The following ZBTB20 variants were observed in gnomAD, a reference collection of about 807,000 sequenced individuals.
ZBTB20 encodes the protein zinc finger and BTB domain containing 20, also known as zinc finger and BTB domain-containing protein 20.
In ZBTB20, 9 loss-of-function variants were observed where a neutral mutation model predicts 56.9. That is an observed-to-expected ratio of 0.16 (90% confidence interval 0.10 to 0.28). The LOEUF (loss-of-function observed/expected upper bound fraction) is 0.28. Ranked by LOEUF, ZBTB20 falls within the 10% of genes least tolerant of loss-of-function variation. ZBTB20 has a pLI of 1.00. For missense variants in ZBTB20, 655 were observed against 1,003.0 expected, an observed-to-expected ratio of 0.65 and a Z score of 4.69; for synonymous variants, 417 against 420.7, an observed-to-expected ratio of 0.99 and a Z score of 0.11.
chr3:114,897,233 G>T (rs2074920455), intron 4 of ZBTB20, among the ~76,000 whole-genome samples: 1 of 152,062 alleles, frequency 6.6e-6, no homozygotes, highest in South Asian at 2.1e-4. Context: ...AAGTCAAAAA[G>T]AACTCTATTG....
chr3:115,130,353 T>C (rs1025758978), intron 1 of ZBTB20, among the ~76,000 whole-genome samples: 9 of 152,244 alleles, frequency 5.9e-5, no homozygotes, highest in African/African-American at 2.2e-4. Context: ...GTAATTGGCA[T>C]AATTAACTTA....
chr3:115,072,473 AG>A (rs1374635858), intron 1 of ZBTB20, among the ~76,000 whole-genome samples: 1 of 152,168 alleles, frequency 6.6e-6, no homozygotes, highest in Non-Finnish European at 1.5e-5. Flanking sequence ...GTTTGCCCAC[AG>A]GAAGTGCTCC....
intron 2 of ZBTB20, among the ~76,000 whole-genome samples, chr3:115,033,509 C>T (rs1183881042): frequency 6.6e-6 from 1 of 151,524 alleles, no homozygotes; most frequent in Non-Finnish European, 1.5e-5. Context: ...CCAGCAATCC[C>T]ACTGCTGGGT....
At chr3:114,366,949 T>C (rs550722848) in intron 10 of ZBTB20, 1 of 152,374 alleles carries the variant, frequency 6.6e-6, no homozygotes, top group Admixed American at 6.5e-5. Flanking sequence ...AGTTTACCTC[T>C]GTTTTGAATT....
At chr3:114,693,110 G>A (rs2062797053) in intron 6 of ZBTB20, among the ~76,000 whole-genome samples, 1 of 152,096 alleles carries the variant, frequency 6.6e-6, no homozygotes, top group South Asian at 2.1e-4. Context: ...AACATACAAT[G>A]TTCCACACAG....
Position 114,991,490 on chromosome 3 carries a change from C to A in ZBTB20, c.-506-17074G>T, listed in dbSNP as rs549406278. Among the ~76,000 whole-genome samples the A allele has an allele frequency of 1.2e-4, 18 of 152,156 alleles. No homozygotes were observed. In the South Asian group the frequency reaches 2.9e-3, roughly 25 times the overall value. On this transcript the variant is annotated intron_variant, in intron 2 of 11. Transcript: ENST00000675478. ...GAGAAAGTTTGTTATAATTTCTGTT[C>A]TTTTACATTTGCTGAGGAGTGCTTT...
At chr3:114,460,389 T>C (rs1269369071) in intron 7 of ZBTB20, among the ~76,000 whole-genome samples, 1 of 152,204 alleles carries the variant, frequency 6.6e-6, no homozygotes, top group East Asian at 1.9e-4. Context: ...ATTAAGGCTA[T>C]TAAAATGAGG....
At chr3:114,942,522 C>T (rs1265044366) in intron 3 of ZBTB20, among the ~76,000 whole-genome samples, 1 of 145,382 alleles carries the variant, frequency 6.9e-6, no homozygotes, top group Non-Finnish European at 1.5e-5. Flanking sequence ...TACCACCCTC[C>T]CTCAAATATC....
intron 5 of ZBTB20, among the ~76,000 whole-genome samples, chr3:114,724,443 T>C (rs1185824435): frequency 6.6e-6 from 1 of 152,200 alleles, no homozygotes; most frequent in Non-Finnish European, 1.5e-5. Context: ...GCTGCCTTTT[T>C]AGAAAGAGAG....
chr3:114,340,910 C>A (rs963129381), intron 11 of ZBTB20, among the ~76,000 whole-genome samples: 1 of 152,104 alleles, frequency 6.6e-6, no homozygotes, highest in Non-Finnish European at 1.5e-5. Flanking sequence ...AATAGGAGAG[C>A]TTTGATGTAT....
chr3:114,919,189 G>A (rs991241684), intron 3 of ZBTB20, among the ~76,000 whole-genome samples: 2 of 152,168 alleles, frequency 1.3e-5, no homozygotes, highest in Admixed American at 6.5e-5. Context: ...TATCAATAAA[G>A]TGGGGGCCTG....
chr3:114,982,071 G>A lies in ZBTB20; in HGVS notation c.-506-7655C>T, dbSNP rs111725659. 4.2e-3 allele frequency among the ~76,000 whole-genome samples: 638 copies of A among 152,018 alleles called. 6 individuals carry two copies. Among genetic ancestry groups the A allele is most frequent in the African/African-American group, 0.014 (593 of 41,494 alleles). Reference sequence around the variant, plus strand: ...TCAATGCCAAAAATTAAAAAACTAAGGTACCACCAGCTAGTAAGTGTGGAA... The same window carrying A: ...TCAATGCCAAAAATTAAAAAACTAAAGTACCACCAGCTAGTAAGTGTGGAA... On this transcript the variant is annotated intron_variant, in intron 2 of 11. Transcript: ENST00000675478.
At chr3:114,537,918 T>C (rs1236096376) in intron 6 of ZBTB20, among the ~76,000 whole-genome samples, 1 of 151,668 alleles carries the variant, frequency 6.6e-6, no homozygotes, top group Non-Finnish European at 1.5e-5. Flanking sequence ...CACTCATAAG[T>C]GAGAGTTGAA....
intron 5 of ZBTB20, among the ~76,000 whole-genome samples, chr3:114,700,932 G>A (rs894373637): frequency 2.6e-5 from 4 of 152,098 alleles, no homozygotes; most frequent in Non-Finnish European, 5.9e-5. Context: ...TAGAGTGGGA[G>A]GTGTTTCTCC....
intron 10 of ZBTB20, among the ~76,000 whole-genome samples, chr3:114,353,318 C>G (rs899679609): frequency 5.3e-5 from 8 of 152,354 alleles, no homozygotes; most frequent in African/African-American, 1.7e-4. Context: ...ACTCTTTCCG[C>G]TCTACCTTGC....
intron 6 of ZBTB20, among the ~76,000 whole-genome samples, chr3:114,653,684 G>C (rs767046841): frequency 6.6e-6 from 1 of 151,826 alleles, no homozygotes; most frequent in Non-Finnish European, 1.5e-5. Context: ...GAAAGAGTCC[G>C]TGTAGGATTA....
At chr3:115,016,444 G>A (rs1249747754) in intron 2 of ZBTB20, among the ~76,000 whole-genome samples, 1 of 151,650 alleles carries the variant, frequency 6.6e-6, no homozygotes, top group Non-Finnish European at 1.5e-5. Context: ...TTATAGTTTG[G>A]GGTTTTACAT....
chr3:114,425,943 C>T (rs1238738391), intron 7 of ZBTB20, among the ~76,000 whole-genome samples: 2 of 152,174 alleles, frequency 1.3e-5, no homozygotes, highest in African/African-American at 4.8e-5. Flanking sequence ...AGCCACTTAT[C>T]AAATTTAGAA....
In ZBTB20 at chr3:114,725,358, G is replaced by A. The variant is rs112142054; in HGVS notation, c.-342-31783C>T. The stretch of plus-strand genomic sequence containing the variant: ...GGGTACATGTAAGTATACAGACAAG[G>A]GTCAGATTTGCTATCGACTCATCCA... On this transcript the variant is annotated intron_variant, in intron 5 of 11. Transcript: ENST00000675478. Among the ~76,000 whole-genome samples the A allele has an allele frequency of 4.9e-4, 74 of 152,130 alleles. 1 individual carries two copies. The highest frequency in any genetic ancestry group is 1.8e-3 in the African/African-American group (74 of 41,498).
Sources: gnomAD v4.1 joint callset for allele counts (sites outside exome capture counted in the v4.1 genomes callset) on GRCh38, gnomAD v4.1.1 for gene constraint, MANE v1.5 for transcripts, NCBI Gene and HGNC (gene_info 2026-07-23, HGNC 2026-07-21) for gene names.